The following SV2A variants were observed in gnomAD, a reference collection of about 807,000 sequenced individuals.
SV2A encodes synaptic vesicle glycoprotein 2A, also known as solute carrier family 22 member B1.
A neutral mutation model predicts 78.0 loss-of-function variants in SV2A; 25 were observed. The ratio of observed to expected loss-of-function variants is 0.32; its 90% CI spans 0.23 to 0.45. SV2A has a LOEUF of 0.45. SV2A is among the 20% of genes least tolerant of loss of function. The pLI is 1.00. For synonymous variants in SV2A, 355 were observed against 384.7 expected (o/e 0.92, Z 0.90); for missense variants, 752 against 971.5 (o/e 0.77, Z 3.00).
At chr1:149,914,642 C>T (rs2092501524) in intron 1 of SV2A, among the ~76,000 whole-genome samples, 1 of 152,186 alleles carries the variant, frequency 6.6e-6, no homozygotes, top group Non-Finnish European at 1.5e-5. Context: ...TTCCACTGTC[C>T]TTCCCTCAGG....
At chr1:149,909,152 C>G in intron 8 of SV2A, 40 bp downstream of exon 8, 1 of 1,596,888 alleles carries the variant, frequency 6.3e-7, no homozygotes, top group Non-Finnish European at 8.6e-7. Context: ...CACACACCAC[C>G]ACAACCACCA....
chr1:149,917,214 T>C (rs587751812), intron 1 of SV2A, among the ~76,000 whole-genome samples: 1 of 150,314 alleles, frequency 6.7e-6, no homozygotes, highest in South Asian at 2.1e-4. Flanking sequence ...CGGCTCTACA[T>C]CTCTGTCTCC....
At position 149,905,033 on chromosome 1, in the gene SV2A, C is replaced by T. The variant is rs1263873314; in HGVS notation, c.2210G>A (p.Arg737Gln). The T allele has an allele frequency of 2.5e-6, 4 of 1,611,444 alleles. No individual in the cohort carries two copies. The highest frequency in any genetic ancestry group is 1.3e-5 in the African/African-American group (1 of 74,878). Residue 737 changes from arginine (R) to glutamine (Q), a missense_variant, in exon 13 of 13, where the codon CGG becomes CAG. This residue lies in a region of SV2A where 186 missense variants were observed against 274.6 expected (regional missense o/e 0.68). Coordinates refer to ENST00000369146, the MANE Select transcript of SV2A (RefSeq NM_014849.5). Reference protein sequence around the residue: ...SSLALKLPETRGQVLQ With the variant: ...SSLALKLPETQGQVLQ ...ACCCCTTCACTGCAGCACCTGCCCC[C>T]GGGTCTCAGGCAGCTTCAGGGCCAG...
chr1:149,907,814 T>C lies in SV2A; in HGVS notation c.1564A>G (p.Lys522Glu). 6.2e-7 allele frequency: 1 copy of C among 1,614,122 alleles called. No individual in the cohort carries two copies. The highest frequency in any genetic ancestry group is 8.5e-7 in the Non-Finnish European group (1 of 1,179,996). Residue 522 changes from lysine to glutamate, a missense_variant, in exon 10 of 13, where the codon AAG becomes GAG. Lys to Glu is a moderately conservative substitution (Grantham distance 56). This residue lies in a region of SV2A where 81 missense variants were observed against 74.2 expected (regional missense o/e 1.09). Coordinates refer to ENST00000369146, the MANE Select transcript of SV2A (RefSeq NM_014849.5). ...FNDKFIGLRL[K>E]SVSFEDSLFE... ...AGGGAATCCTCAAAGGACACTGACT[T>C]GAGCCGCAGCCCAATGAACCTGTAA...
At chr1:149,915,495 C>G (rs767435105) in intron 1 of SV2A, among the ~76,000 whole-genome samples, 4 of 152,188 alleles carry the variant, frequency 2.6e-5, no homozygotes, top group African/African-American at 9.7e-5. Flanking sequence ...CCACTGCCAC[C>G]TTGCTTCAGA....
At chr1:149,911,652 G>T in intron 3 of SV2A, 148 bp downstream of exon 3, 1 of 838,210 alleles carries the variant, frequency 1.2e-6, no homozygotes. Context: ...CCTGAAGATG[G>T]CTGGGGGAGA....
chr1:149,906,857 C>T lies in SV2A; in HGVS notation c.1679-1G>A. 3.1e-6 allele frequency: 5 copies of T among 1,614,098 alleles called. No individual in the cohort carries two copies. The highest frequency in any genetic ancestry group is 4.2e-6 in the Non-Finnish European group (5 of 1,180,012). On this transcript the variant is annotated splice_acceptor_variant, in intron 10 of 12. Transcript: ENST00000369146. LOFTEE classifies it high-confidence loss of function. ...TTCACAAACTTGTACTCGAACAGGTCTGTGGGCAAAGGCCAAGATAAGCAG... is the reference window on the plus strand; with the variant it reads ...TTCACAAACTTGTACTCGAACAGGTTTGTGGGCAAAGGCCAAGATAAGCAG...
rs1553763558 is a variant in SV2A at position 149,910,547 on chromosome 1, C to T, written c.1089+23G>A. On this transcript the variant is annotated intron_variant, in intron 5 of 12. Coordinates refer to ENST00000369146, the MANE Select transcript of SV2A (RefSeq NM_014849.5). The surrounding 1 kb of genome is among the most constrained non-coding windows in gnomAD (Gnocchi z 4.2). ...CTCCACAGCCCGCACCCCACCCCAC[C>T]CCATGCAGCTCAGCCCCATCACCTC... 1 of 1,586,284 alleles carries T rather than the reference C, an allele frequency of 6.3e-7. No individual in the cohort carries two copies. Among genetic ancestry groups the T allele is most frequent in the East Asian group, 2.3e-5 (1 of 43,936 alleles).
chr1:149,906,338 A>G (rs587738013), intron 11 of SV2A, among the ~76,000 whole-genome samples: 4 of 152,222 alleles, frequency 2.6e-5, no homozygotes, highest in African/African-American at 7.2e-5. Context: ...TATCACCTCC[A>G]TTTTGCAGAG....
rs2092467905 is a variant in SV2A at position 149,910,381 on chromosome 1, C to CATT, written c.1089+188_1089+189insAAT. ...CCCCTGGTTTCTCCACCCAAGAACCCCTCAGGGACACATTCCAAGGCAAAG... is the reference window on the plus strand; with the variant it reads ...CCCCTGGTTTCTCCACCCAAGAACCCATTCTCAGGGACACATTCCAAGGCAAAG... On this transcript the variant is annotated intron_variant, in intron 5 of 12. Transcript: ENST00000369146. This position sits in a 1 kb window ranked among gnomAD's most constrained non-coding sequence, Gnocchi z 4.2. 6.6e-6 allele frequency among the ~76,000 whole-genome samples: 1 copy of CATT among 152,184 alleles called. No homozygotes were observed. Among genetic ancestry groups the CATT allele is most frequent in the African/African-American group, 2.4e-5 (1 of 41,440 alleles).
chr1:149,916,150 CTT>C (rs1163979353), intron 1 of SV2A, among the ~76,000 whole-genome samples: 1 of 152,200 alleles, frequency 6.6e-6, no homozygotes, highest in Non-Finnish European at 1.5e-5. Flanking sequence ...GCTTTCCTCT[CTT>C]TCCTAACCAG....
chr1:149,906,162 A>G, intron 11 of SV2A, 123 bp from the exon 12 acceptor site: 1 of 1,170,154 alleles, frequency 8.5e-7, no homozygotes, highest in Non-Finnish European at 1.2e-6. Context: ...AAGGTATCCA[A>G]CCAAGGTATC....
chr1:149,909,782 CGGG>C lies in SV2A; in HGVS notation c.1179+16_1179+18del. The C allele has an allele frequency of 6.2e-7, 1 of 1,612,800 alleles. No homozygotes were observed. Among genetic ancestry groups the C allele is most frequent in the Non-Finnish European group, 8.5e-7 (1 of 1,179,730 alleles). On this transcript the variant is annotated intron_variant, in intron 6 of 12. Coordinates refer to ENST00000369146, the MANE Select transcript of SV2A (RefSeq NM_014849.5). ...GGCTGCAGGGCGTGGAGGTCTGAGT[CGGG>C]AGGGCTGTGGCTTACTGAGAACACT...
In SV2A at chr1:149,910,004, G is replaced by A; in HGVS notation, c.1090-114C>T. Reference sequence around the variant, plus strand: ...GTCACAGGACACTAAATGGTTCCCAGCCCTCAACCCCACCACCAAGCCCTG... The same window carrying A: ...GTCACAGGACACTAAATGGTTCCCAACCCTCAACCCCACCACCAAGCCCTG... On this transcript the variant is annotated intron_variant, in intron 5 of 12. Transcript: ENST00000369146. The surrounding 1 kb of genome is among the most constrained non-coding windows in gnomAD (Gnocchi z 4.2). 1 of 939,286 alleles carries A rather than the reference G, an allele frequency of 1.1e-6. No homozygotes were observed. The highest frequency in any genetic ancestry group is 1.4e-5 in the South Asian group (1 of 69,000). 58.2% of individuals were successfully genotyped at this position (939,286 alleles called of 1,614,324 possible).
intron 1 of SV2A, among the ~76,000 whole-genome samples, chr1:149,915,264 G>A (rs1268195961): frequency 6.6e-6 from 1 of 152,180 alleles, no homozygotes; most frequent in Admixed American, 6.5e-5. Context: ...GAAAGAAACA[G>A]GAAGCAGCAA....
intron 6 of SV2A, 27 bp downstream of exon 6, chr1:149,909,774 G>T (rs782186027): frequency 1.9e-6 from 3 of 1,611,570 alleles, no homozygotes; most frequent in South Asian, 1.1e-5. Flanking sequence ...GGGCGTGGAG[G>T]TCTGAGTCGG....
At chr1:149,905,272 G>A in intron 12 of SV2A, 75 bp from the exon 13 acceptor site, 1 of 1,394,712 alleles carries the variant, frequency 7.2e-7, no homozygotes, top group Non-Finnish European at 9.8e-7. Context: ...GGGCAGGGAA[G>A]TGAAGTCCAG....
At chr1:149,905,348 C>T in intron 12 of SV2A, 151 bp from the exon 13 acceptor site, 2 of 636,028 alleles carry the variant, frequency 3.1e-6, no homozygotes, top group Non-Finnish European at 5.2e-6. Flanking sequence ...AAAGGATGTA[C>T]ACCAGGAATG....
chr1:149,908,239 A>T (rs1553763104), intron 8 of SV2A, 33 bp from the exon 9 acceptor site: 1 of 1,598,128 alleles, frequency 6.3e-7, no homozygotes, highest in Non-Finnish European at 8.6e-7. Flanking sequence ...AACAGACAAC[A>T]GGGCTTCAGA....
Sources: allele counts gnomAD v4.1 joint callset (sites outside exome capture counted in the v4.1 genomes callset), GRCh38; gene constraint gnomAD v4.1.1; regional missense constraint gnomAD v4.1.1; non-coding constraint Gnocchi (gnomAD v3.1); transcripts MANE v1.5; gene names NCBI Gene and HGNC (gene_info 2026-07-23, HGNC 2026-07-21).